Variants in SSBP3 observed in about 807,000 individuals in gnomAD.
The protein encoded by SSBP3 is single-stranded DNA-binding protein 3.
SSBP3 carries 5 observed loss-of-function variants against 69.6 expected under a neutral mutation model. The observed-to-expected ratio is 0.07, with a 90% confidence interval of 0.04 to 0.15. The LOEUF (loss-of-function observed/expected upper bound fraction) is 0.15. Among genes scored for constraint, SSBP3 ranks in the 10% least tolerant of loss-of-function variants. The pLI, the probability that SSBP3 is intolerant of heterozygous loss-of-function variation, is 1.00. For synonymous variants in SSBP3, 196 were observed against 193.4 expected (o/e 1.01, Z -0.11); for missense variants, 312 against 534.0 (o/e 0.58, Z 4.10).
chr1:54,316,362 G>A (rs763598102), intron 4 of SSBP3, among the ~76,000 whole-genome samples: 37 of 146,388 alleles, frequency 2.5e-4, no homozygotes, highest in Non-Finnish European at 3.3e-4. Context: ...TAAATAGGCC[G>A]GGCGCGGTGG....
intron 4 of SSBP3, among the ~76,000 whole-genome samples, chr1:54,374,069 G>C: frequency 6.6e-6 from 1 of 152,202 alleles, no homozygotes; most frequent in East Asian, 1.9e-4. Context: ...GTGACTAAAG[G>C]GCTCAAAGAG....
At chr1:54,400,121 A>G (rs910461786) in intron 4 of SSBP3, among the ~76,000 whole-genome samples, 1 of 152,134 alleles carries the variant, frequency 6.6e-6, no homozygotes, top group Non-Finnish European at 1.5e-5. Context: ...CCATGTGCAA[A>G]CTTTCATGGC....
chr1:54,228,718 T>C, intron 15 of SSBP3, 30 bp downstream of exon 15: 1 of 1,562,304 alleles, frequency 6.4e-7, no homozygotes, highest in East Asian at 2.4e-5. Context: ...CCAGGCAGGG[T>C]GGGGCATGGC....
chr1:54,241,591 C>T lies in SSBP3; in HGVS notation c.766-82G>A. On this transcript the variant is annotated intron_variant, in intron 11 of 17. Transcript: ENST00000610401. Reference sequence around the variant, plus strand: ...CAAACCTCCCTGAGGACACGACCCACTCTTCACAGGAAAGGCATCGCCACC... The same window carrying T: ...CAAACCTCCCTGAGGACACGACCCATTCTTCACAGGAAAGGCATCGCCACC... 4 of 1,466,460 alleles carry T rather than the reference C, an allele frequency of 2.7e-6. No homozygotes were observed. The South Asian group carries it at 4.6e-5, about 17-fold the overall frequency. The allele number at this position is 1,466,460 out of a possible 1,614,324, so 90.8% of individuals were successfully genotyped here.
At chr1:54,406,442 G>C (rs1649782356), upstream of SSBP3, 1 of 152,652 alleles carries the variant, frequency 6.6e-6, no homozygotes. Flanking sequence ...GAGCGAGGCG[G>C]GCGGCAACGT....
chr1:54,290,745 G>A (rs1645590132), intron 4 of SSBP3, among the ~76,000 whole-genome samples: 1 of 152,148 alleles, frequency 6.6e-6, no homozygotes, highest in South Asian at 2.1e-4. Context: ...CTCCCATCTG[G>A]GCCCCATGGC....
chr1:54,345,672 T>C (rs1052005280), intron 4 of SSBP3, among the ~76,000 whole-genome samples: 1 of 152,202 alleles, frequency 6.6e-6, no homozygotes, highest in African/African-American at 2.4e-5. Flanking sequence ...AAAGTCTCTG[T>C]GCCTGACCAA....
chr1:54,372,086 A>C (rs1647144890), intron 4 of SSBP3, among the ~76,000 whole-genome samples: 1 of 152,204 alleles, frequency 6.6e-6, no homozygotes, highest in African/African-American at 2.4e-5. Context: ...CAGGCAAGGC[A>C]GGCTAGGCAT....
chr1:54,399,910 C>T (rs897544594), intron 4 of SSBP3, among the ~76,000 whole-genome samples: 2 of 152,164 alleles, frequency 1.3e-5, no homozygotes, highest in Non-Finnish European at 2.9e-5. Context: ...TCCCTCCTCC[C>T]ACAGGCTCTG....
At chr1:54,255,158 C>CGGGGGGGGGGGGGGGGGG (rs34404422) in intron 7 of SSBP3, among the ~76,000 whole-genome samples, 1 of 63,398 alleles carries the variant, frequency 1.6e-5, no homozygotes, top group Non-Finnish European at 3.4e-5. Flanking sequence ...TGCGGGGGGG[C>CGGGGGGGGGGGGGGGGGG]GGGGGGGGGG....
chr1:54,380,887 G>T (rs561235303), intron 4 of SSBP3, among the ~76,000 whole-genome samples: 1 of 152,062 alleles, frequency 6.6e-6, no homozygotes, highest in East Asian at 1.9e-4. Context: ...TTGGGAGGCT[G>T]AAGCGGGACA....
chr1:54,303,608 T>A (rs1237533167), intron 4 of SSBP3, among the ~76,000 whole-genome samples: 1 of 152,144 alleles, frequency 6.6e-6, no homozygotes, highest in Non-Finnish European at 1.5e-5. Context: ...GAAACTGCAT[T>A]AAACAGGTCC....
At chr1:54,273,190 G>A (rs182203264) in intron 5 of SSBP3, among the ~76,000 whole-genome samples, 12 of 152,372 alleles carry the variant, frequency 7.9e-5, no homozygotes, top group Admixed American at 2.6e-4. Context: ...CTAACTGGGC[G>A]GCAGACATTG....
chr1:54,399,054 A>T (rs1217180459), intron 4 of SSBP3, among the ~76,000 whole-genome samples: 2 of 152,240 alleles, frequency 1.3e-5, no homozygotes, highest in Non-Finnish European at 2.9e-5. Context: ...CTCTAAAAGA[A>T]CACCATTCAA....
chr1:54,344,486 G>A (rs899481970), intron 4 of SSBP3, among the ~76,000 whole-genome samples: 6 of 152,122 alleles, frequency 3.9e-5, no homozygotes, highest in African/African-American at 1.4e-4. Context: ...GGGGTGATTC[G>A]AATATGTTCA....
At chr1:54,301,455 C>T (rs1046639563) in intron 4 of SSBP3, among the ~76,000 whole-genome samples, 1 of 152,250 alleles carries the variant, frequency 6.6e-6, no homozygotes, top group East Asian at 1.9e-4. Flanking sequence ...GTCTCAACAC[C>T]CCCTACCCAT....
chr1:54,307,184 A>G (rs7537820), intron 4 of SSBP3, among the ~76,000 whole-genome samples: 8,887 of 152,164 alleles, frequency 0.058, 435 homozygotes, highest in East Asian at 0.27. Flanking sequence ...CTCTAAAGGA[A>G]CCAGCTGCCC....
At chr1:54,409,648 C>G (rs1047440906), upstream of SSBP3, among the ~76,000 whole-genome samples, 2 of 152,234 alleles carry the variant, frequency 1.3e-5, no homozygotes, top group African/African-American at 4.8e-5. Context: ...ACACCTGGAA[C>G]TCTGTACTTT....
intron 4 of SSBP3, among the ~76,000 whole-genome samples, chr1:54,290,037 C>A (rs1645576064): frequency 6.6e-6 from 1 of 152,216 alleles, no homozygotes; most frequent in Non-Finnish European, 1.5e-5. Flanking sequence ...AGGCACTTGT[C>A]CAAGGTCACA....
Sources: gnomAD v4.1 joint callset for allele counts (sites outside exome capture counted in the v4.1 genomes callset) on GRCh38, gnomAD v4.1.1 for gene constraint, MANE v1.5 for transcripts, NCBI Gene and HGNC (gene_info 2026-07-23, HGNC 2026-07-21) for gene names.